MAGI3: variants seen among roughly 807,000 people sequenced by gnomAD.
MAGI3 encodes membrane-associated guanylate kinase, WW and PDZ domain-containing protein 3.
A neutral mutation model predicts 121.8 loss-of-function variants in MAGI3; 43 were observed. That is an observed-to-expected ratio of 0.35 (90% confidence interval 0.28 to 0.46). The LOEUF (loss-of-function observed/expected upper bound fraction) is 0.46. Among genes scored for constraint, MAGI3 ranks in the 20% least tolerant of loss-of-function variants. MAGI3 has a pLI of 1.00. For synonymous variants in MAGI3, 553 were observed against 639.3 expected (o/e 0.86, Z 2.04); for missense variants, 1,547 against 1,797.3 (o/e 0.86, Z 2.52).
intron 16 of MAGI3, among the ~76,000 whole-genome samples, chr1:113,665,643 T>C (rs530454762): frequency 6.6e-6 from 1 of 152,302 alleles, no homozygotes; most frequent in East Asian, 1.9e-4. Context: ...TATTAAGTCA[T>C]CTCACCAAAG....
chr1:113,634,615 C>A (rs1391608391), intron 9 of MAGI3, among the ~76,000 whole-genome samples: 2 of 152,112 alleles, frequency 1.3e-5, no homozygotes, highest in Non-Finnish European at 2.9e-5. Context: ...GGTACCAGTA[C>A]CATGCTGTTT....
intron 11 of MAGI3, among the ~76,000 whole-genome samples, chr1:113,646,275 T>A (rs1221772683): frequency 1.3e-5 from 2 of 152,196 alleles, no homozygotes; most frequent in Non-Finnish European, 2.9e-5. Context: ...GATATTACTA[T>A]AAACTTTTTT....
At chr1:113,517,501 G>T (rs913205661) in intron 1 of MAGI3, among the ~76,000 whole-genome samples, 1 of 151,832 alleles carries the variant, frequency 6.6e-6, no homozygotes, top group African/African-American at 2.4e-5. Context: ...AAATGCCTAG[G>T]ATACCTAGTA....
chr1:113,426,797 T>G lies in MAGI3; in HGVS notation c.316+35448T>G, dbSNP rs906347372. On this transcript the variant is annotated intron_variant, in intron 1 of 20. Coordinates refer to ENST00000307546, the MANE Select transcript of MAGI3 (RefSeq NM_001142782.2). ...ATGTTGAATTTGGACCAAGTTCTTGTAGACAGCCTATAGTTTGTTCATCTT... is the reference window on the plus strand; with the variant it reads ...ATGTTGAATTTGGACCAAGTTCTTGGAGACAGCCTATAGTTTGTTCATCTT... 7.9e-5 allele frequency among the ~76,000 whole-genome samples: 12 copies of G among 152,184 alleles called. No individual in the cohort carries two copies. The South Asian group carries it at 1.0e-3, about 13-fold the overall frequency.
chr1:113,567,513 C>A (rs916555595), intron 2 of MAGI3, among the ~76,000 whole-genome samples: 2 of 151,972 alleles, frequency 1.3e-5, no homozygotes, highest in South Asian at 4.1e-4. Context: ...CACAAAAATT[C>A]TAAAGAAAAT....
intron 1 of MAGI3, among the ~76,000 whole-genome samples, chr1:113,509,072 T>A (rs1657482793): frequency 6.6e-6 from 1 of 152,202 alleles, no homozygotes; most frequent in East Asian, 1.9e-4. Context: ...TTACTGTTAA[T>A]ATTGTTTGCA....
chr1:113,495,517 C>T (rs748880567), intron 1 of MAGI3, among the ~76,000 whole-genome samples: 1 of 152,078 alleles, frequency 6.6e-6, no homozygotes, highest in Non-Finnish European at 1.5e-5. Context: ...TCCTCTTCCA[C>T]CCTTTCCCCC....
At chr1:113,660,729 C>T (rs982618747) in intron 16 of MAGI3, among the ~76,000 whole-genome samples, 1 of 150,798 alleles carries the variant, frequency 6.6e-6, no homozygotes, top group African/African-American at 2.4e-5. Flanking sequence ...ATCCTCTGAC[C>T]TCAGCGTCCT....
intron 2 of MAGI3, among the ~76,000 whole-genome samples, chr1:113,570,909 T>C (rs2101703017): frequency 6.6e-6 from 1 of 152,364 alleles, no homozygotes; most frequent in Admixed American, 6.5e-5. Context: ...AGATACCATT[T>C]GTCAATTTTG....
chr1:113,514,526 C>T (rs1005765553), intron 1 of MAGI3, among the ~76,000 whole-genome samples: 3 of 148,866 alleles, frequency 2.0e-5, no homozygotes, highest in Middle Eastern at 3.4e-3. Context: ...ATCGCAAGAA[C>T]AAAAAACCAA....
chr1:113,490,767 A>T (rs1210921239), intron 1 of MAGI3, among the ~76,000 whole-genome samples: 2 of 152,172 alleles, frequency 1.3e-5, no homozygotes, highest in Admixed American at 1.3e-4. Flanking sequence ...CAAAGATCAG[A>T]AAGATCAGAA....
At chr1:113,630,420 GACCCCGAGAGC>G (rs1207294301) in intron 9 of MAGI3, among the ~76,000 whole-genome samples, 2 of 152,064 alleles carry the variant, frequency 1.3e-5, no homozygotes, top group African/African-American at 2.4e-5. Flanking sequence ...TGGACTCAGG[GACCCCGAGAGC>G]CTGCGTGGTG....
At chr1:113,505,373 A>G (rs924121508) in intron 1 of MAGI3, among the ~76,000 whole-genome samples, 5 of 152,186 alleles carry the variant, frequency 3.3e-5, no homozygotes, top group African/African-American at 1.2e-4. Flanking sequence ...TTCTGTTTTA[A>G]CTAGCTCAAA....
intron 1 of MAGI3, among the ~76,000 whole-genome samples, chr1:113,533,567 T>TGGTTTGTTCG (rs952567732): frequency 6.6e-6 from 1 of 152,102 alleles, no homozygotes; most frequent in African/African-American, 2.4e-5. Context: ...AACCTGCACG[T>TGGTTTGTTCG]GTATCCCCCG....
At chr1:113,400,152 GT>G (rs1435785661) in intron 1 of MAGI3, among the ~76,000 whole-genome samples, 2 of 152,036 alleles carry the variant, frequency 1.3e-5, no homozygotes, top group African/African-American at 2.4e-5. Flanking sequence ...CCTTTTTAAA[GT>G]TTTTTATAGC....
chr1:113,422,631 C>G lies in MAGI3; in HGVS notation c.316+31282C>G, dbSNP rs184449857. 6.6e-6 allele frequency among the ~76,000 whole-genome samples: 1 copy of G among 152,366 alleles called. No homozygotes were observed. The highest frequency in any genetic ancestry group is 2.4e-5 in the African/African-American group (1 of 41,586). On this transcript the variant is annotated intron_variant, in intron 1 of 20. Coordinates refer to ENST00000307546, the MANE Select transcript of MAGI3 (RefSeq NM_001142782.2). The surrounding 1 kb of genome is among the most constrained non-coding windows in gnomAD (Gnocchi z 4.3). ...CAGGCGCCTGCTCCGTGCAAGGGTG[C>G]ATCTATACCAGACATACCGCAAGCA...
At chr1:113,673,672 A>G (rs1647696897) in intron 19 of MAGI3, among the ~76,000 whole-genome samples, 1 of 152,228 alleles carries the variant, frequency 6.6e-6, no homozygotes, top group African/African-American at 2.4e-5. Flanking sequence ...AGTGTGCTAA[A>G]CCATATTGCA....
intron 6 of MAGI3, among the ~76,000 whole-genome samples, chr1:113,605,820 G>A (rs1649730244): frequency 1.3e-5 from 2 of 151,934 alleles, no homozygotes; most frequent in South Asian, 4.2e-4. Context: ...GGCTGGTCTC[G>A]AACTCCTGAC....
Position 113,683,177 on chromosome 1 carries a change from T to G in MAGI3, c.3609T>G (p.Ser1203Arg). 1 of 1,613,860 alleles carries G rather than the reference T, an allele frequency of 6.2e-7. No homozygotes were observed. The highest frequency in any genetic ancestry group is 8.5e-7 in the Non-Finnish European group (1 of 1,179,852). Reference sequence around the variant, plus strand: ...ATCCACCCAGCAGTCATGGGCACAGTAACAAGAAAAATCTATTAAAAGTAG... The same window carrying G: ...ATCCACCCAGCAGTCATGGGCACAGGAACAAGAAAAATCTATTAAAAGTAG... ...KRDPPSSHGH[S>R]NKKNLLKVEN... Residue 1203 changes from serine to arginine, a missense_variant, in exon 21 of 21, where the codon AGT becomes AGG. Coordinates refer to ENST00000307546, the MANE Select transcript of MAGI3 (RefSeq NM_001142782.2).
Sources: allele counts gnomAD v4.1 joint callset (sites outside exome capture counted in the v4.1 genomes callset), GRCh38; gene constraint gnomAD v4.1.1; non-coding constraint Gnocchi (gnomAD v3.1); transcripts MANE v1.5; gene names NCBI Gene and HGNC (gene_info 2026-07-23, HGNC 2026-07-21).